ASCC3: variants seen among roughly 807,000 people sequenced by gnomAD.
ASCC3 encodes activating signal cointegrator 1 complex subunit 3, also known as ASC-1 complex subunit P200.
In ASCC3, 158 loss-of-function variants were observed where a neutral mutation model predicts 256.3. The observed-to-expected ratio is 0.62, with a 90% CI of 0.54 to 0.70. The LOEUF is 0.70. ASCC3 is among the 30% of genes least tolerant of loss of function. The pLI is 0.00. For synonymous variants in ASCC3, 948 were observed against 883.4 expected (o/e 1.07, Z -1.30); for missense variants, 2,259 against 2,626.0 (o/e 0.86, Z 3.05).
At chr6:100,771,512 A>G (rs1182605181) in intron 8 of ASCC3, among the ~76,000 whole-genome samples, 1 of 149,392 alleles carries the variant, frequency 6.7e-6, no homozygotes, top group Non-Finnish European at 1.5e-5. Flanking sequence ...TGCAATACAT[A>G]TATCAGATAA....
intron 5 of ASCC3, among the ~76,000 whole-genome samples, chr6:100,803,974 A>T (rs909177100): frequency 6.6e-6 from 1 of 152,106 alleles, no homozygotes; most frequent in Non-Finnish European, 1.5e-5. Flanking sequence ...AGGTAAAAAA[A>T]AATTGTTTTC....
chr6:100,788,511 A>C (rs1769196904), intron 8 of ASCC3, among the ~76,000 whole-genome samples: 1 of 152,006 alleles, frequency 6.6e-6, no homozygotes. Context: ...ATACCTGTAC[A>C]TGAACAGTTT....
At chr6:100,577,426 A>C (rs965219780) in intron 36 of ASCC3, among the ~76,000 whole-genome samples, 2 of 152,040 alleles carry the variant, frequency 1.3e-5, no homozygotes, top group African/African-American at 4.8e-5. Flanking sequence ...CTCTAATCAC[A>C]TGTCTTCTAA....
At chr6:100,579,731 C>A (rs1016170376) in intron 36 of ASCC3, among the ~76,000 whole-genome samples, 1 of 152,044 alleles carries the variant, frequency 6.6e-6, no homozygotes. Context: ...GTTACTGTAG[C>A]CTTGTAGTAT....
chr6:100,732,641 A>G (rs537308439), intron 10 of ASCC3, among the ~76,000 whole-genome samples: 1 of 150,814 alleles, frequency 6.6e-6, no homozygotes, highest in Admixed American at 6.7e-5. Context: ...CACTCATTCA[A>G]TGTCCTTAGA....
chr6:100,633,693 C>T (rs905891636), intron 25 of ASCC3, among the ~76,000 whole-genome samples: 25 of 149,860 alleles, frequency 1.7e-4, no homozygotes, highest in African/African-American at 5.2e-4. Flanking sequence ...TGGAGAAACC[C>T]CGTCACTACT....
chr6:100,640,343 C>CTA (rs1221330945), intron 24 of ASCC3, among the ~76,000 whole-genome samples: 28 of 152,186 alleles, frequency 1.8e-4, no homozygotes, highest in Non-Finnish European at 2.6e-4. Context: ...ATGATAATGA[C>CTA]TATATATTCA....
At chr6:100,574,943 GTAGAAA>G (rs1265980656) in intron 36 of ASCC3, among the ~76,000 whole-genome samples, 2 of 152,036 alleles carry the variant, frequency 1.3e-5, no homozygotes, top group Non-Finnish European at 2.9e-5. Flanking sequence ...ACCCAGAGAA[GTAGAAA>G]GATACCTTTT....
chr6:100,558,750 T>C (rs1202685426), intron 36 of ASCC3, among the ~76,000 whole-genome samples: 5 of 152,172 alleles, frequency 3.3e-5, no homozygotes, highest in Non-Finnish European at 7.4e-5. Context: ...TTAACACTGC[T>C]CTAGGCTTCT....
At chr6:100,539,706 C>T (rs1775347534) in intron 37 of ASCC3, among the ~76,000 whole-genome samples, 1 of 152,064 alleles carries the variant, frequency 6.6e-6, no homozygotes, top group South Asian at 2.1e-4. Context: ...TTCCTGAATA[C>T]CATATTAAAA....
chr6:100,770,296 T>A (rs1365200508), intron 8 of ASCC3, among the ~76,000 whole-genome samples: 1 of 151,916 alleles, frequency 6.6e-6, no homozygotes, highest in East Asian at 1.9e-4. Context: ...CTTAGCAAAC[T>A]AGAAGTAGAG....
chr6:100,863,843 G>C lies in ASCC3; in HGVS notation c.241+221C>G, dbSNP rs541967624. Among the ~76,000 whole-genome samples the C allele has an allele frequency of 4.6e-5, 7 of 151,906 alleles. No individual in the cohort carries two copies. In the South Asian group the frequency reaches 1.5e-3, roughly 32 times the overall value. ...TTGCCATGTTGCCCAGGCTGGTCTC[G>C]AACTCCTGGACTCAAGCGATCTGCC... On this transcript the variant is annotated intron_variant, in intron 3 of 41. Coordinates refer to ENST00000369162, the MANE Select transcript of ASCC3 (RefSeq NM_006828.4).
At chr6:100,802,465 C>T (rs757379747) in intron 5 of ASCC3, among the ~76,000 whole-genome samples, 15 of 152,046 alleles carry the variant, frequency 9.9e-5, no homozygotes, top group Non-Finnish European at 1.9e-4. Flanking sequence ...CATGTACATC[C>T]TGCAGAACTG....
chr6:100,830,511 C>T (rs1771571006), intron 4 of ASCC3, among the ~76,000 whole-genome samples: 1 of 152,144 alleles, frequency 6.6e-6, no homozygotes, highest in African/African-American at 2.4e-5. Context: ...AGAAAAATCA[C>T]AGCATTTCTA....
At position 100,679,641 on chromosome 6, in the gene ASCC3, C is replaced by G. The variant is rs1415699396; in HGVS notation, c.2263G>C (p.Asp755His). The G allele has an allele frequency of 1.2e-6, 2 of 1,613,514 alleles. No homozygotes were observed. The highest frequency in any genetic ancestry group is 3.3e-5 in the Admixed American group (2 of 59,998). ...IPFFFPTQGHDYVLAEKQVQR... is the reference protein window; with the variant it reads ...IPFFFPTQGHHYVLAEKQVQR... ...ACCTGTTTTTCTGCAAGTACATAGT[C>G]ATGTCCTTGGGTAGGAAAAAAGAAG... Residue 755 changes from aspartate (D) to histidine (H), a missense_variant, in exon 14 of 42, where the codon GAC becomes CAC. Asp to His is a moderately conservative substitution (Grantham distance 81). Around this residue, in one of 2 missense-constraint regions of ASCC3, gnomAD observed 1,839 missense variants for 2,206.7 expected, o/e 0.83. Transcript: ENST00000369162.
At position 100,866,033 on chromosome 6, in the gene ASCC3, A is replaced by T. The variant is rs546138468; in HGVS notation, c.91-1819T>A. Among the ~76,000 whole-genome samples the T allele has an allele frequency of 1.6e-3, 247 of 152,152 alleles. 2 individuals carry two copies. The highest frequency in any genetic ancestry group is 2.6e-3 in the Non-Finnish European group (180 of 68,002). On this transcript the variant is annotated intron_variant, in intron 2 of 41. Transcript: ENST00000369162. The stretch of plus-strand genomic sequence containing the variant: ...CACCCAGGCTGGAGTCCAGTGGCAC[A>T]ATCTCAGCTCACTGAAACCTCTGTC...
At position 100,608,097 on chromosome 6, in the gene ASCC3, C is replaced by CATATATATGTATATATATCTATAT. The variant is rs1391815541; in HGVS notation, c.4786-1010_4786-1009insATATAGATATATATACATATATAT. ...ATATATATGTATATATATCTATATA[C>CATATATATGTATATATATCTATAT]ACATATATATGTATATATATCTATA... On this transcript the variant is annotated intron_variant, in intron 30 of 41. Transcript: ENST00000369162. Among the ~76,000 whole-genome samples, 278 of 45,008 alleles carry CATATATATGTATATATATCTATAT rather than the reference C, an allele frequency of 6.2e-3. 12 individuals carry two copies. The highest frequency in any genetic ancestry group is 0.021 in the African/African-American group (241 of 11,700). The allele number at this position is 45,008 out of a possible 152,430, so 29.5% of individuals were successfully genotyped here.
At chr6:100,558,863 T>C (rs995878745) in intron 36 of ASCC3, among the ~76,000 whole-genome samples, 45 of 152,150 alleles carry the variant, frequency 3.0e-4, no homozygotes, top group Non-Finnish European at 2.9e-5. Context: ...TTCCTGACAC[T>C]TATGAATCTT....
At chr6:100,803,605 G>A (rs975702244) in intron 5 of ASCC3, among the ~76,000 whole-genome samples, 3 of 152,054 alleles carry the variant, frequency 2.0e-5, no homozygotes, top group African/African-American at 7.2e-5. Context: ...CTTGGAGGAA[G>A]GCAGAGTAGA....
Sources: gnomAD v4.1 joint callset for allele counts (sites outside exome capture counted in the v4.1 genomes callset) on GRCh38, gnomAD v4.1.1 for gene constraint, gnomAD v4.1.1 regional missense constraint, MANE v1.5 for transcripts, NCBI Gene and HGNC (gene_info 2026-07-23, HGNC 2026-07-21) for gene names.